Variants in ADAMTSL4 observed in about 807,000 individuals in gnomAD.
The protein encoded by ADAMTSL4 is ADAMTS like 4, also known as ADAMTS-like protein 4.
In ADAMTSL4, 97 loss-of-function variants were observed where a neutral mutation model predicts 122.8. The ratio of observed to expected loss-of-function variants is 0.79; its 90% CI spans 0.67 to 0.93. The LOEUF (loss-of-function observed/expected upper bound fraction) is 0.93, where lower values mean the gene tolerates loss of function less well. Among genes scored for constraint, ADAMTSL4 ranks in the 40% least tolerant of loss-of-function variants. The pLI is 0.00. For missense variants in ADAMTSL4, 1,408 were observed against 1,453.5 expected (o/e 0.97, Z 0.51); for synonymous variants, 592 against 568.0 (o/e 1.04, Z -0.60).
rs143844555 is a variant in ADAMTSL4, at chr1:150,558,515, C to T, written c.2425C>T (p.Arg809Cys). 179 of 1,613,822 alleles carry T rather than the reference C, an allele frequency of 1.1e-4. No homozygotes were observed. The highest frequency in any genetic ancestry group is 1.3e-4 in the Non-Finnish European group (159 of 1,179,994). The change falls in exon 15 of 19, where the codon CGC becomes TGC. Residue 809 changes from arginine to cysteine, a missense_variant. Physicochemically the swap from Arg to Cys is radical, Grantham distance 180 (BLOSUM62 -3). Coordinates refer to ENST00000271643, the MANE Select transcript of ADAMTSL4 (RefSeq NM_019032.6). ...CCGGGGCCAGAGAAGCCGGCAGGTT[C>T]GCTGTGTTGGGAACAATGGTGATGA... is the stretch of plus-strand genomic sequence containing the variant. Reference protein sequence around the residue: ...CGRGQRSRQVRCVGNNGDEVS... With the variant: ...CGRGQRSRQVCCVGNNGDEVS...
In ADAMTSL4 at chr1:150,555,534, C is replaced by A; in HGVS notation, c.1340C>A (p.Ala447Asp). The A allele has an allele frequency of 6.2e-7, 1 of 1,614,118 alleles. No individual in the cohort carries two copies. Among genetic ancestry groups the A allele is most frequent in the Non-Finnish European group, 8.5e-7 (1 of 1,180,034 alleles). The part of the protein sequence containing the change: ...VQDGTLCQPG[A>D]PDICVAGRCL... ...GATGGGACCCTGTGTCAGCCTGGAG[C>A]CCCTGACATCTGTGTGGCTGGACGC... The change falls in exon 8 of 19, where the codon GCC becomes GAC. Residue 447 changes from alanine to aspartate, a missense_variant. By Grantham distance (126) the Ala-to-Asp change is moderately radical. Transcript: ENST00000271643.
Position 150,554,745 on chromosome 1 carries a change from AGGGCCATGGT to A in ADAMTSL4, c.1234+282_1234+291del, listed in dbSNP as rs1182304627. On this transcript the variant is annotated intron_variant, in intron 7 of 18. Transcript: ENST00000271643. The surrounding 1 kb of genome is among the most constrained non-coding windows in gnomAD (Gnocchi z 4.0). ...GGGGGTCAGGTGGCTGTGACACAAG[AGGGCCATGGT>A]GGGAGAGATCCTGTCCAGCCGTGAC... The A allele has an allele frequency of 7.0e-6, 9 of 1,285,616 alleles. No homozygotes were observed. Among genetic ancestry groups the A allele is most frequent in the Admixed American group, 2.1e-5 (1 of 47,008 alleles). 79.6% of individuals were successfully genotyped at this position (1,285,616 alleles called of 1,614,324 possible).
rs113869234 is a variant in ADAMTSL4 at position 150,555,268 on chromosome 1, A to G, written c.1235-161A>G. On this transcript the variant is annotated intron_variant, in intron 7 of 18. Transcript: ENST00000271643. ...CTCCCAGAGTGCTGGGATTACAGGC[A>G]TGAGCCACTGCGCCCGGCCCTGACC... 0.041 allele frequency among the ~76,000 whole-genome samples: 6,278 copies of G among 152,168 alleles called. 175 individuals carry two copies. Among genetic ancestry groups the G allele is most frequent in the Non-Finnish European group, 0.058 (3,940 of 67,972 alleles).
intron 13 of ADAMTSL4, 146 bp downstream of exon 13, chr1:150,557,769 G>A: frequency 7.5e-7 from 1 of 1,331,142 alleles, no homozygotes; most frequent in East Asian, 2.5e-5. Flanking sequence ...CATTCGGTAG[G>A]CAGCAAGAAA....
rs587639660 is a variant in ADAMTSL4, at chr1:150,558,827, G to A, written c.2560-135G>A. The stretch of plus-strand genomic sequence containing the variant: ...ATGAGGGGCCCGGCTAGGATTCCTC[G>A]TCCGGGCCTGGTACCCGGGGACATT... On this transcript the variant is annotated intron_variant, in intron 15 of 18. Coordinates refer to ENST00000271643, the MANE Select transcript of ADAMTSL4 (RefSeq NM_019032.6). The A allele has an allele frequency of 1.1e-3, 1,650 of 1,538,918 alleles. 16 individuals are homozygous for A. In the African/African-American group the frequency reaches 0.017, roughly 16 times the overall value.
chr1:150,560,110 C>T lies in ADAMTSL4; in HGVS notation c.3139C>T (p.Arg1047Trp), dbSNP rs113799188. The T allele has an allele frequency of 1.7e-5, 28 of 1,613,966 alleles. No individual in the cohort carries two copies. In the Admixed American group the frequency reaches 3.7e-4, roughly 21 times the overall value. The part of the protein sequence containing the change: ...SPHCPLVVQA[R>W]LCVYPYYTAT... ...ACATTGCCCCCTGGTGGTACAGGCC[C>T]GGCTCTGCGTCTACCCCTACTACAC... is the stretch of plus-strand genomic sequence containing the variant. The change falls in exon 19 of 19, where the codon CGG (arginine) becomes TGG (tryptophan). Residue 1047 changes from arginine to tryptophan, a missense_variant. By Grantham distance (101) the Arg-to-Trp change is moderately radical. Transcript: ENST00000271643.
chr1:150,557,788 A>G (rs1672332674), intron 13 of ADAMTSL4, 157 bp from the exon 14 acceptor site: 1 of 1,257,524 alleles, frequency 8.0e-7, no homozygotes, highest in East Asian at 2.6e-5. Context: ...AAGCCATGGC[A>G]GGCTGAGCCC....
At position 150,556,623 on chromosome 1, in the gene ADAMTSL4, C is replaced by CT. The variant is rs1241830972; in HGVS notation, c.1581dup (p.Arg528SerfsTer31). The stretch of plus-strand genomic sequence containing the variant: ...GATCTCTCACCTCTGACCCGCAGCA[C>CT]TTCGTGGCCCTGGGGGCCGGTCCAT... On this transcript the variant is annotated frameshift_variant, in exon 10 of 19. Transcript: ENST00000271643. LOFTEE classifies it high-confidence loss of function. The surrounding 1 kb of genome is among the most constrained non-coding windows in gnomAD (Gnocchi z 4.1). 1 of 1,614,036 alleles carries CT rather than the reference C, an allele frequency of 6.2e-7. No individual in the cohort carries two copies. Among genetic ancestry groups the CT allele is most frequent in the Admixed American group, 1.7e-5 (1 of 60,024 alleles).
At chr1:150,551,173 G>A in intron 2 of ADAMTSL4, 1 of 363,058 alleles carries the variant, frequency 2.8e-6, no homozygotes, top group South Asian at 2.0e-5. Flanking sequence ...CAGAATGAGA[G>A]GCCTGTGGCT....
chr1:150,557,660 C>T, intron 13 of ADAMTSL4, 37 bp downstream of exon 13: 3 of 1,583,512 alleles, frequency 1.9e-6, no homozygotes, highest in Admixed American at 1.8e-5. Context: ...GGTTAGGGTA[C>T]TGGAAACACA....
rs2101576393 is a variant in ADAMTSL4 at position 150,553,481 on chromosome 1, T to C, written c.490T>C (p.Phe164Leu). ...AATGTTCGGTTATGGGAGAGTGCCC[T>C]TTGCATTGCCACTGCACCGGAACCG... ...PGMFGYGRVP[F>L]ALPLHRNRRH... The change falls in exon 6 of 19, where the codon TTT (phenylalanine) becomes CTT (leucine). Residue 164 changes from phenylalanine to leucine, a missense_variant. Transcript: ENST00000271643. 6.2e-7 allele frequency: 1 copy of C among 1,613,774 alleles called. No individual in the cohort carries two copies. Among genetic ancestry groups the C allele is most frequent in the Non-Finnish European group, 8.5e-7 (1 of 1,179,946 alleles).
chr1:150,558,750 G>A (rs200224138), intron 15 of ADAMTSL4, 101 bp downstream of exon 15: 91 of 1,595,932 alleles, frequency 5.7e-5, no homozygotes, highest in East Asian at 3.2e-4. Flanking sequence ...TTGATCAAGC[G>A]CCTGCTATAT....
chr1:150,550,371 G>A (rs1671274893), intron 2 of ADAMTSL4: 6 of 451,178 alleles, frequency 1.3e-5, no homozygotes, highest in South Asian at 7.8e-5. Flanking sequence ...CTTTTCCAGA[G>A]AGGGAGCCAG....
At position 150,558,037 on chromosome 1, in the gene ADAMTSL4, G is replaced by A; in HGVS notation, c.2270G>A (p.Gly757Asp). ...CAGTGCCGGCAGGAATTTGGGGGGG[G>A]TGGCTCCTCGGTGCCCCCGGAGCGC... is the stretch of plus-strand genomic sequence containing the variant. Reference protein sequence around the residue: ...QLQCRQEFGGGGSSVPPERCG... With the variant: ...QLQCRQEFGGDGSSVPPERCG... Residue 757 changes from glycine (G) to aspartate (D), a missense_variant, in exon 14 of 19, where the codon GGT becomes GAT. Gly to Asp is a moderately conservative substitution (Grantham distance 94, BLOSUM62 -1). Coordinates refer to ENST00000271643, the MANE Select transcript of ADAMTSL4 (RefSeq NM_019032.6). The A allele has an allele frequency of 1.9e-6, 3 of 1,612,824 alleles. No homozygotes were observed. The highest frequency in any genetic ancestry group is 2.5e-6 in the Non-Finnish European group (3 of 1,179,864).
intron 14 of ADAMTSL4, 112 bp downstream of exon 14, chr1:150,558,261 T>A: frequency 1.9e-6 from 3 of 1,559,892 alleles, no homozygotes; most frequent in Non-Finnish European, 2.6e-6. Context: ...AAACAGGGTT[T>A]CATATGGACC....
Position 150,557,233 on chromosome 1 carries a change from C to T in ADAMTSL4, c.1945C>T (p.Pro649Ser). The T allele has an allele frequency of 6.2e-7, 1 of 1,611,470 alleles. No individual in the cohort carries two copies. The highest frequency in any genetic ancestry group is 2.2e-5 in the East Asian group (1 of 44,810). ...PGTLQRQVRI[P>S]QMPAPPHPRT... ...CACCCTCCAGCGTCAGGTGCGGATC[C>T]CCCAGATGCCCGCCCCGCCCCATCC... The change falls in exon 12 of 19, where the codon CCC (proline) becomes TCC (serine). Residue 649 changes from proline (P) to serine (S), a missense_variant. Pro to Ser is a moderately conservative substitution (Grantham distance 74). Transcript: ENST00000271643.
rs781072839 is a variant in ADAMTSL4 at position 150,559,481 on chromosome 1, G to A, written c.2943+15G>A. The A allele has an allele frequency of 4.3e-6, 7 of 1,612,434 alleles. No individual in the cohort carries two copies. The highest frequency in any genetic ancestry group is 1.7e-5 in the Admixed American group (1 of 59,998). On this transcript the variant is annotated intron_variant, in intron 17 of 18. Coordinates refer to ENST00000271643, the MANE Select transcript of ADAMTSL4 (RefSeq NM_019032.6). The surrounding 1 kb of genome is among the most constrained non-coding windows in gnomAD (Gnocchi z 4.1). ...CCTGGAGCCCAGTGAGTGTCTGGCTGCGCTGTCCTGCCCTGCTCAGCCTGG... is the reference window on the plus strand; with the variant it reads ...CCTGGAGCCCAGTGAGTGTCTGGCTACGCTGTCCTGCCCTGCTCAGCCTGG...
chr1:150,551,445 G>A (rs886586435), intron 2 of ADAMTSL4: 2 of 190,912 alleles, frequency 1.0e-5, no homozygotes, highest in African/African-American at 2.3e-5. Flanking sequence ...GTAGGACAGA[G>A]AGATGACTGG....
Position 150,558,949 on chromosome 1 carries a change from TC to T in ADAMTSL4, c.2560-11del. 6.3e-7 allele frequency: 1 copy of T among 1,584,714 alleles called. No homozygotes were observed. The highest frequency in any genetic ancestry group is 8.6e-7 in the Non-Finnish European group (1 of 1,162,118). On this transcript the variant is annotated splice_polypyrimidine_tract_variant and intron_variant, in intron 15 of 18. Transcript: ENST00000271643. The stretch of plus-strand genomic sequence containing the variant: ...AGCAGGCCCCTCACACAGGCCGCTC[TC>T]CTCCTCCGCAGTGCTCAGCCGAGTG...
Sources: allele counts gnomAD v4.1 joint callset (sites outside exome capture counted in the v4.1 genomes callset), GRCh38; gene constraint gnomAD v4.1.1; non-coding constraint Gnocchi (gnomAD v3.1); transcripts MANE v1.5; gene names NCBI Gene and HGNC (gene_info 2026-07-23, HGNC 2026-07-21).